PANX1: variants seen among roughly 807,000 people sequenced by gnomAD.
PANX1 encodes pannexin 1, also known as pannexin-1.
PANX1 carries 30 observed loss-of-function variants against 38.7 expected under a neutral mutation model. That is an observed-to-expected ratio of 0.78 (90% CI 0.58 to 1.05). The LOEUF is 1.05. PANX1 is among the 50% of genes least tolerant of loss of function. The probability of loss-of-function intolerance (pLI) is 0.00; values close to 1 mark genes in which losing one functional copy is unlikely to be tolerated. For synonymous variants in PANX1, 230 were observed against 212.2 expected, an observed-to-expected ratio of 1.08 and a Z score of -0.73; for missense variants, 551 against 517.2, an observed-to-expected ratio of 1.07 and a Z score of -0.63.
At chr11:94,162,136 G>C (rs984016783) in intron 2 of PANX1, among the ~76,000 whole-genome samples, 8 of 152,180 alleles carry the variant, frequency 5.3e-5, no homozygotes, top group African/African-American at 1.9e-4. Context: ...CCTACTGGGG[G>C]GTGCCTCCCA....
chr11:94,136,660 C>T (rs1946695636), intron 1 of PANX1, among the ~76,000 whole-genome samples: 1 of 151,816 alleles, frequency 6.6e-6, no homozygotes, highest in African/African-American at 2.4e-5. Flanking sequence ...CCCAGCTACT[C>T]AGGAGGCTGA....
intron 1 of PANX1, among the ~76,000 whole-genome samples, chr11:94,136,252 A>T (rs764491739): frequency 3.2e-4 from 49 of 152,090 alleles, no homozygotes; most frequent in Non-Finnish European, 3.5e-4. Flanking sequence ...TCAAAATGTG[A>T]CTGCATTAGA....
intron 2 of PANX1, among the ~76,000 whole-genome samples, chr11:94,161,572 C>T (rs1201177938): frequency 2.0e-5 from 3 of 152,210 alleles, no homozygotes; most frequent in Non-Finnish European, 2.9e-5. Flanking sequence ...TCAGCTCCAT[C>T]AGGTCCTTTA....
intron 2 of PANX1, among the ~76,000 whole-genome samples, chr11:94,153,964 C>G (rs1248760806): frequency 1.3e-5 from 2 of 152,172 alleles, no homozygotes; most frequent in Non-Finnish European, 2.9e-5. Context: ...TCTGAATGAG[C>G]ATAGCTAGAC....
chr11:94,159,088 A>C (rs1946989336), intron 2 of PANX1, among the ~76,000 whole-genome samples: 1 of 152,188 alleles, frequency 6.6e-6, no homozygotes, highest in Non-Finnish European at 1.5e-5. Flanking sequence ...CTTGCATCCC[A>C]GGGTTGAAGC....
intron 2 of PANX1, among the ~76,000 whole-genome samples, chr11:94,155,885 C>T (rs1484607671): frequency 1.3e-5 from 2 of 152,124 alleles, no homozygotes; most frequent in Non-Finnish European, 2.9e-5. Context: ...GGTTTAGTAG[C>T]CAAGGCAACA....
intron 2 of PANX1, chr11:94,175,812 A>G (rs1947225847): frequency 1.0e-6 from 1 of 984,624 alleles, no homozygotes. Flanking sequence ...ATTGTGTAGC[A>G]GCCCTTTGCA....
intron 2 of PANX1, among the ~76,000 whole-genome samples, chr11:94,165,790 A>G (rs1462230308): frequency 6.6e-6 from 1 of 152,152 alleles, no homozygotes; most frequent in Non-Finnish European, 1.5e-5. Context: ...CATGCCTGTA[A>G]TCCCAGCTAC....
chr11:94,170,259 GTC>G (rs1362583893), intron 2 of PANX1, among the ~76,000 whole-genome samples: 4 of 151,250 alleles, frequency 2.6e-5, no homozygotes, highest in Non-Finnish European at 5.9e-5. Flanking sequence ...TCTGTTTTCT[GTC>G]TCTCTGCATT....
chr11:94,177,324 G>C (rs1416345164), intron 2 of PANX1, among the ~76,000 whole-genome samples: 1 of 151,348 alleles, frequency 6.6e-6, no homozygotes, highest in African/African-American at 2.4e-5. Flanking sequence ...AGAAGGCAAA[G>C]AGCAAACAAA....
chr11:94,139,419 T>C (rs1023742602), intron 1 of PANX1, among the ~76,000 whole-genome samples: 21 of 152,242 alleles, frequency 1.4e-4, no homozygotes, highest in Non-Finnish European at 2.4e-4. Context: ...TACTGGAAAC[T>C]TGTCAGGCTA....
chr11:94,133,583 T>C (rs1354813468), intron 1 of PANX1, among the ~76,000 whole-genome samples: 2 of 152,144 alleles, frequency 1.3e-5, no homozygotes, highest in African/African-American at 4.8e-5. Flanking sequence ...ATGTAAGAAC[T>C]AAAATGTGCA....
chr11:94,157,747 T>G (rs1946972449), intron 2 of PANX1, among the ~76,000 whole-genome samples: 1 of 152,226 alleles, frequency 6.6e-6, no homozygotes, highest in Non-Finnish European at 1.5e-5. Flanking sequence ...TTAGTTTACT[T>G]AGATCCCATT....
chr11:94,136,584 C>T (rs1465549397), intron 1 of PANX1, among the ~76,000 whole-genome samples: 5 of 151,212 alleles, frequency 3.3e-5, no homozygotes, highest in African/African-American at 9.7e-5. Flanking sequence ...ATCGAGACCA[C>T]GGTGAAACCC....
rs115946749 is a variant in PANX1 at position 94,166,328 on chromosome 11, C to T, written c.322-12041C>T. Among the ~76,000 whole-genome samples the T allele has an allele frequency of 3.3e-3, 495 of 152,296 alleles. 4 individuals are homozygous for T. The highest frequency in any genetic ancestry group is 0.011 in the African/African-American group (458 of 41,560). ...GACTGAAGAACTCCTTTTACCATGT[C>T]TCGTAAGACAGTTCTAGTGTTGATG... On this transcript the variant is annotated intron_variant, in intron 2 of 4. Coordinates refer to ENST00000227638, the MANE Select transcript of PANX1 (RefSeq NM_015368.4).
intron 2 of PANX1, among the ~76,000 whole-genome samples, chr11:94,177,795 A>C (rs1056745812): frequency 6.6e-6 from 1 of 151,972 alleles, no homozygotes; most frequent in African/African-American, 2.4e-5. Flanking sequence ...GACTGCCTTC[A>C]AAGTCTGTTC....
At chr11:94,132,632 G>A (rs143367502) in intron 1 of PANX1, among the ~76,000 whole-genome samples, 2 of 152,204 alleles carry the variant, frequency 1.3e-5, no homozygotes, top group Admixed American at 6.5e-5. Flanking sequence ...TTAGAAACGA[G>A]AAAATCAGCT....
chr11:94,157,544 A>C, intron 2 of PANX1, among the ~76,000 whole-genome samples: 1 of 152,072 alleles, frequency 6.6e-6, no homozygotes, highest in Non-Finnish European at 1.5e-5. Context: ...TCTTTTGAGA[A>C]GTGTCTGTTC....
chr11:94,129,068 A>T lies in PANX1; in HGVS notation c.-245A>T. On this transcript the variant is annotated 5_prime_UTR_variant, in exon 1 of 5. Transcript: ENST00000227638. The stretch of plus-strand genomic sequence containing the variant: ...GCACGGGCGTGCGGGGTGGAACCGC[A>T]GGAAGCGGAGCTCTCGGGTTCCCGC... The T allele has an allele frequency of 5.1e-6, 2 of 388,802 alleles. No individual in the cohort carries two copies. Among genetic ancestry groups the T allele is most frequent in the Non-Finnish European group, 9.1e-6 (2 of 219,544 alleles). The allele number at this position is 388,802 out of a possible 1,614,324, so 24.1% of individuals were successfully genotyped here. A position where few individuals can be genotyped will look rare whatever the true frequency, so the allele number is the denominator to read the frequency against.
Sources: allele counts gnomAD v4.1 joint callset (sites outside exome capture counted in the v4.1 genomes callset), GRCh38; gene constraint gnomAD v4.1.1; transcripts MANE v1.5; gene names NCBI Gene and HGNC (gene_info 2026-07-23, HGNC 2026-07-21).